DNM3: variants seen among roughly 807,000 people sequenced by gnomAD.
DNM3 encodes dynamin-3.
In DNM3, 47 loss-of-function variants were observed where a neutral mutation model predicts 101.6. The observed-to-expected ratio is 0.46, with a 90% CI of 0.37 to 0.59. The LOEUF is 0.59. DNM3 is among the 20% of genes least tolerant of loss of function. The probability of loss-of-function intolerance (pLI) is 0.00; values close to 1 mark genes in which losing one functional copy is unlikely to be tolerated. For synonymous variants in DNM3, 385 were observed against 387.9 expected (o/e 0.99, Z 0.09); for missense variants, 849 against 1,085.7 (o/e 0.78, Z 3.06).
chr1:171,940,552 A>G (rs1041145270), intron 2 of DNM3, among the ~76,000 whole-genome samples: 2 of 152,220 alleles, frequency 1.3e-5, no homozygotes, highest in African/African-American at 2.4e-5. Flanking sequence ...CTGTTACATT[A>G]CATTGCAATT....
At chr1:172,090,616 A>C (rs962894240) in intron 12 of DNM3, among the ~76,000 whole-genome samples, 1 of 152,200 alleles carries the variant, frequency 6.6e-6, no homozygotes, top group African/African-American at 2.4e-5. Context: ...TTTAAATTGG[A>C]AAAAAATATA....
chr1:172,101,855 T>C (rs2147882294), intron 13 of DNM3, among the ~76,000 whole-genome samples: 1 of 151,974 alleles, frequency 6.6e-6, no homozygotes, highest in East Asian at 1.9e-4. Context: ...AATTTGCTTT[T>C]TTTATTACTT....
chr1:172,218,229 TAAGAA>T (rs2060775853), intron 14 of DNM3, among the ~76,000 whole-genome samples: 1 of 152,086 alleles, frequency 6.6e-6, no homozygotes, highest in Non-Finnish European at 1.5e-5. Context: ...GCCAGACTCT[TAAGAA>T]AAGCAATTAA....
chr1:171,984,742 T>C (rs2045119287), intron 2 of DNM3, among the ~76,000 whole-genome samples: 1 of 152,218 alleles, frequency 6.6e-6, no homozygotes, highest in African/African-American at 2.4e-5. Flanking sequence ...CCCTTAATTA[T>C]ATCCCAATTT....
chr1:172,154,145 A>G (rs1321742231), intron 14 of DNM3, among the ~76,000 whole-genome samples: 2 of 152,058 alleles, frequency 1.3e-5, no homozygotes, highest in East Asian at 3.9e-4. Context: ...TGTAGTTTCT[A>G]GGTATGCTCT....
intron 1 of DNM3, among the ~76,000 whole-genome samples, chr1:171,850,779 T>C (rs1430064394): frequency 2.6e-5 from 4 of 151,930 alleles, no homozygotes; most frequent in Non-Finnish European, 4.4e-5. Flanking sequence ...TTTTTTTTTT[T>C]TTTCCTCAGA....
chr1:172,171,730 C>T (rs2058968783), intron 14 of DNM3, among the ~76,000 whole-genome samples: 3 of 151,700 alleles, frequency 2.0e-5, no homozygotes, highest in Admixed American at 2.0e-4. Flanking sequence ...AAGACAATCT[C>T]TCACAATGAT....
intron 14 of DNM3, among the ~76,000 whole-genome samples, chr1:172,216,002 ATT>A (rs1558738181): frequency 6.8e-6 from 1 of 147,086 alleles, no homozygotes. Context: ...TAATAATAAA[ATT>A]AAAAAAAAAA....
chr1:172,066,597 A>G (rs1006307436), intron 10 of DNM3, among the ~76,000 whole-genome samples: 1 of 152,204 alleles, frequency 6.6e-6, no homozygotes, highest in Non-Finnish European at 1.5e-5. Flanking sequence ...TTGTCAATAT[A>G]GCCACATTGG....
At chr1:172,145,139 T>C (rs1376554287) in intron 14 of DNM3, among the ~76,000 whole-genome samples, 5 of 152,162 alleles carry the variant, frequency 3.3e-5, no homozygotes, top group African/African-American at 1.2e-4. Context: ...ACAAATTTAC[T>C]GTCTGACCCA....
intron 15 of DNM3, among the ~76,000 whole-genome samples, chr1:172,275,637 A>G (rs149111817): frequency 3.9e-4 from 60 of 152,138 alleles, no homozygotes; most frequent in African/African-American, 1.4e-3. Context: ...CTCTTGGAAA[A>G]CAAATATTTG....
intron 14 of DNM3, among the ~76,000 whole-genome samples, chr1:172,199,894 G>T (rs2060091561): frequency 6.6e-6 from 1 of 151,814 alleles, no homozygotes; most frequent in Non-Finnish European, 1.5e-5. Flanking sequence ...TGGGACATTT[G>T]GTCCATTTAC....
At chr1:172,075,017 G>A (rs1351474193) in intron 11 of DNM3, among the ~76,000 whole-genome samples, 1 of 152,150 alleles carries the variant, frequency 6.6e-6, no homozygotes, top group African/African-American at 2.4e-5. Context: ...TCTAACTGGC[G>A]TGAGATGGTA....
intron 17 of DNM3, chr1:172,376,479 G>T (rs1281478899): frequency 6.6e-6 from 1 of 151,968 alleles, no homozygotes; most frequent in African/African-American, 2.4e-5. Context: ...TATACATACA[G>T]AAAAGAGCAC....
intron 1 of DNM3, among the ~76,000 whole-genome samples, chr1:171,881,984 A>G (rs1455032148): frequency 1.3e-5 from 2 of 152,166 alleles, no homozygotes; most frequent in Non-Finnish European, 1.5e-5. Context: ...ATTTTTTCAG[A>G]TCTAGAGTTA....
chr1:172,315,092 C>T (rs368806074), intron 16 of DNM3, among the ~76,000 whole-genome samples: 4 of 152,322 alleles, frequency 2.6e-5, no homozygotes, highest in South Asian at 2.1e-4. Context: ...TGAAAATCCA[C>T]GGTTCTGCAG....
At chr1:171,914,400 G>A (rs2039545807) in intron 1 of DNM3, among the ~76,000 whole-genome samples, 1 of 151,944 alleles carries the variant, frequency 6.6e-6, no homozygotes, top group South Asian at 2.1e-4. Flanking sequence ...CAGGTGATCT[G>A]CCGGCCTCGG....
intron 16 of DNM3, among the ~76,000 whole-genome samples, chr1:172,315,901 C>T (rs1440498108): frequency 6.6e-6 from 1 of 152,064 alleles, no homozygotes; most frequent in East Asian, 1.9e-4. Context: ...CACAAAGATA[C>T]TCCTCGAGAA....
At position 172,071,086 on chromosome 1, in the gene DNM3, CATATATATATATATAT is replaced by C. The variant is rs56255511; in HGVS notation, c.1422+2200_1422+2215del. Among the ~76,000 whole-genome samples the C allele has an allele frequency of 1.1e-3, 74 of 65,084 alleles. 4 individuals carry two copies. Among genetic ancestry groups the C allele is most frequent in the African/African-American group, 4.8e-3 (62 of 13,028 alleles). The allele number at this position is 65,084 out of a possible 152,430, so 42.7% of individuals were successfully genotyped here. A position where few individuals can be genotyped will look rare whatever the true frequency, so the allele number is the denominator to read the frequency against. On this transcript the variant is annotated intron_variant, in intron 11 of 20. Transcript: ENST00000627582. ...GCCTGGGTGACAGAGCAAGACCCTG[CATATATATATATATAT>C]ATATATATATATATATATCTTAGTT...
Sources: allele counts gnomAD v4.1 joint callset (sites outside exome capture counted in the v4.1 genomes callset), GRCh38; gene constraint gnomAD v4.1.1; transcripts MANE v1.5; gene names NCBI Gene and HGNC (gene_info 2026-07-23, HGNC 2026-07-21).